Variants in AGBL4 observed in about 807,000 individuals in gnomAD.
AGBL4 encodes the protein cytosolic carboxypeptidase 6.
A neutral mutation model predicts 66.4 loss-of-function variants in AGBL4; 58 were observed. The observed-to-expected ratio is 0.87, with a 90% CI of 0.71 to 1.09. The LOEUF is 1.09. Among genes scored for constraint, AGBL4 ranks in the 50% least tolerant of loss-of-function variants. AGBL4 has a pLI of 0.00. For synonymous variants in AGBL4, 234 were observed against 222.9 expected (o/e 1.05, Z -0.44); for missense variants, 579 against 631.0 (o/e 0.92, Z 0.88).
intron 6 of AGBL4, among the ~76,000 whole-genome samples, chr1:48,824,164 G>T (rs937274016): frequency 5.3e-5 from 8 of 152,176 alleles, no homozygotes; most frequent in Non-Finnish European, 2.9e-5. Flanking sequence ...GGAATGTAAA[G>T]AAAGGAAAGT....
rs879130440 is a variant in AGBL4, at chr1:49,565,988, C to G, written c.282+131325G>C. Among the ~76,000 whole-genome samples the G allele has an allele frequency of 2.0e-5, 3 of 152,270 alleles. No individual in the cohort carries two copies. In the East Asian group the frequency reaches 5.8e-4, roughly 29 times the overall value. On this transcript the variant is annotated intron_variant, in intron 3 of 13. Transcript: ENST00000371839. Reference sequence around the variant, plus strand: ...CACATAGTCCCATATTTCTTGGAGGCTTTGTTCATTTCTTTTTGTTCTTTT... The same window carrying G: ...CACATAGTCCCATATTTCTTGGAGGGTTTGTTCATTTCTTTTTGTTCTTTT...
At chr1:49,701,195 G>C (rs1344244568) in intron 2 of AGBL4, among the ~76,000 whole-genome samples, 1 of 151,920 alleles carries the variant, frequency 6.6e-6, no homozygotes, top group Non-Finnish European at 1.5e-5. Flanking sequence ...GGGAGGCTTA[G>C]GCAGCAGAAT....
At chr1:48,746,929 A>G (rs1040093853) in intron 6 of AGBL4, among the ~76,000 whole-genome samples, 2 of 152,240 alleles carry the variant, frequency 1.3e-5, no homozygotes, top group Non-Finnish European at 2.9e-5. Context: ...AAAGGAACAA[A>G]AAAAGCATGT....
intron 3 of AGBL4, among the ~76,000 whole-genome samples, chr1:49,335,374 T>C (rs1005347584): frequency 1.8e-4 from 28 of 152,214 alleles, no homozygotes; most frequent in African/African-American, 6.8e-4. Flanking sequence ...TCCTAACTGG[T>C]CTTTTAATCT....
At chr1:48,719,052 T>G (rs1647099637) in intron 6 of AGBL4, among the ~76,000 whole-genome samples, 1 of 152,142 alleles carries the variant, frequency 6.6e-6, no homozygotes, top group Admixed American at 6.5e-5. Context: ...TTAGCCAAGG[T>G]CATGTTCCTG....
intron 6 of AGBL4, among the ~76,000 whole-genome samples, chr1:48,678,454 G>A (rs1457619926): frequency 6.6e-5 from 10 of 152,134 alleles, no homozygotes; most frequent in Admixed American, 2.0e-4. Flanking sequence ...GAATTTCCCC[G>A]GAACCCATGC....
intron 3 of AGBL4, among the ~76,000 whole-genome samples, chr1:49,362,449 CAAAAA>C (rs145467066): frequency 3.7e-5 from 3 of 80,914 alleles, no homozygotes; most frequent in African/African-American, 4.8e-5. Context: ...GACCCTGTCT[CAAAAA>C]AAAAAAAAAA....
At position 49,363,981 on chromosome 1, in the gene AGBL4, C is replaced by T. The variant is rs1644193169; in HGVS notation, c.283-118117G>A. Among the ~76,000 whole-genome samples the T allele has an allele frequency of 2.0e-5, 3 of 152,262 alleles. No individual in the cohort carries two copies. In the South Asian group the frequency reaches 6.2e-4, roughly 32 times the overall value. Reference sequence around the variant, plus strand: ...ATATAAAGAGATAGACTCCCTAATCCACCTGGAATCTTTTCTGGAGGCTGT... The same window carrying T: ...ATATAAAGAGATAGACTCCCTAATCTACCTGGAATCTTTTCTGGAGGCTGT... On this transcript the variant is annotated intron_variant, in intron 3 of 13. Transcript: ENST00000371839.
chr1:48,706,164 C>T (rs1646877825), intron 6 of AGBL4, among the ~76,000 whole-genome samples: 2 of 152,052 alleles, frequency 1.3e-5, no homozygotes, highest in African/African-American at 4.8e-5. Context: ...AGTGAGTTTG[C>T]AAGTGTTCAT....
chr1:48,618,837 T>TG (rs1645362608), intron 9 of AGBL4, among the ~76,000 whole-genome samples: 1 of 151,552 alleles, frequency 6.6e-6, no homozygotes, highest in South Asian at 2.1e-4. Context: ...GGGGGAGGAG[T>TG]GGGGTGCCCA....
intron 11 of AGBL4, among the ~76,000 whole-genome samples, chr1:48,572,582 A>G: frequency 6.6e-6 from 1 of 151,572 alleles, no homozygotes; most frequent in South Asian, 2.1e-4. Flanking sequence ...GTCAAATAGA[A>G]AGACAAAAAG....
chr1:49,608,303 C>A (rs1388701564), intron 3 of AGBL4, among the ~76,000 whole-genome samples: 2 of 152,128 alleles, frequency 1.3e-5, no homozygotes, highest in African/African-American at 4.8e-5. Context: ...ATTTTCCCAT[C>A]TTATTCTGAA....
chr1:49,640,892 A>G (rs1645767574), intron 3 of AGBL4, among the ~76,000 whole-genome samples: 1 of 152,138 alleles, frequency 6.6e-6, no homozygotes, highest in South Asian at 2.1e-4. Context: ...GCTCTTTTAC[A>G]TGCACTGTTT....
chr1:49,645,245 A>G (rs1441228881), intron 3 of AGBL4, among the ~76,000 whole-genome samples: 1 of 151,500 alleles, frequency 6.6e-6, no homozygotes, highest in Non-Finnish European at 1.5e-5. Flanking sequence ...AATAGATGAA[A>G]TAGAAAACAG....
chr1:48,571,059 C>T (rs1406449583), intron 11 of AGBL4, among the ~76,000 whole-genome samples: 1 of 152,304 alleles, frequency 6.6e-6, no homozygotes, highest in Middle Eastern at 3.4e-3. Flanking sequence ...GATATCATCC[C>T]TTACCAGGAG....
intron 6 of AGBL4, among the ~76,000 whole-genome samples, chr1:48,796,445 G>C (rs1210683962): frequency 6.6e-6 from 1 of 151,756 alleles, no homozygotes; most frequent in Non-Finnish European, 1.5e-5. Flanking sequence ...GAATCTAGTG[G>C]AGCTCTTTCC....
At chr1:49,695,322 AGAAT>A (rs1396657672) in intron 3 of AGBL4, among the ~76,000 whole-genome samples, 1 of 152,160 alleles carries the variant, frequency 6.6e-6, no homozygotes, top group East Asian at 1.9e-4. Flanking sequence ...CATTAACAAA[AGAAT>A]GAAAGAGGTA....
intron 3 of AGBL4, among the ~76,000 whole-genome samples, chr1:49,461,088 T>G (rs1260285415): frequency 1.3e-5 from 2 of 151,704 alleles, no homozygotes; most frequent in Non-Finnish European, 2.9e-5. Context: ...GTGATGATGT[T>G]TTTGCAACAA....
intron 3 of AGBL4, among the ~76,000 whole-genome samples, chr1:49,498,023 T>C (rs952546617): frequency 3.3e-5 from 5 of 152,078 alleles, no homozygotes; most frequent in African/African-American, 1.2e-4. Flanking sequence ...TACCATCTAT[T>C]TGTATTTTCC....
Sources: allele counts gnomAD v4.1 joint callset (sites outside exome capture counted in the v4.1 genomes callset), GRCh38; gene constraint gnomAD v4.1.1; transcripts MANE v1.5; gene names NCBI Gene and HGNC (gene_info 2026-07-23, HGNC 2026-07-21).